The following EHBP1 variants were observed in gnomAD, a reference collection of about 807,000 sequenced individuals.
The protein encoded by EHBP1 is EH domain-binding protein 1.
A neutral mutation model predicts 144.0 loss-of-function variants in EHBP1; 55 were observed. The ratio of observed to expected loss-of-function variants is 0.38; its 90% CI spans 0.31 to 0.48. The LOEUF (loss-of-function observed/expected upper bound fraction) is 0.48, where lower values mean the gene tolerates loss of function less well. EHBP1 is among the 20% of genes least tolerant of loss of function. The pLI, the probability that EHBP1 is intolerant of heterozygous loss-of-function variation, is 0.98. For synonymous variants in EHBP1, 469 were observed against 472.7 expected (o/e 0.99, Z 0.10); for missense variants, 1,200 against 1,364.2 (o/e 0.88, Z 1.90).
In EHBP1 at chr2:63,046,282, G is replaced by A. The variant is rs2061951910; in HGVS notation, c.*782G>A. On this transcript the variant is annotated 3_prime_UTR_variant, in exon 23 of 23. Coordinates refer to ENST00000431489, the MANE Select transcript of EHBP1 (RefSeq NM_001142616.3). Reference sequence around the variant, plus strand: ...TCATGCTTGATTCCTACATTTTGTTGGGTCTCAACATTGGCTCACGAATGC... The same window carrying A: ...TCATGCTTGATTCCTACATTTTGTTAGGTCTCAACATTGGCTCACGAATGC... 2 of 152,500 alleles carry A rather than the reference G, an allele frequency of 1.3e-5. No individual in the cohort carries two copies. Among genetic ancestry groups the A allele is most frequent in the Admixed American group, 1.3e-4 (2 of 15,272 alleles). The allele number at this position is 152,500 out of a possible 1,614,324, so 9.4% of individuals were successfully genotyped here. A position where few individuals can be genotyped will look rare whatever the true frequency, so the allele number is the denominator to read the frequency against.
chr2:62,747,375 AC>A lies in EHBP1; in HGVS notation c.105-19del. ...ATTTATTTAAGATAAATTATGTTTA[AC>A]TTTTTTTTTGTTTGGCAGGCAACCA... On this transcript the variant is annotated intron_variant, in intron 2 of 22. Coordinates refer to ENST00000431489, the MANE Select transcript of EHBP1 (RefSeq NM_001142616.3). The A allele has an allele frequency of 6.2e-7, 1 of 1,600,400 alleles. No homozygotes were observed. Among genetic ancestry groups the A allele is most frequent in the Non-Finnish European group, 8.5e-7 (1 of 1,173,282 alleles).
chr2:62,854,746 G>A (rs2048915210), intron 7 of EHBP1, among the ~76,000 whole-genome samples: 1 of 152,218 alleles, frequency 6.6e-6, no homozygotes, highest in Non-Finnish European at 1.5e-5. Flanking sequence ...TTAGAATATG[G>A]TGATGATGGC....
At chr2:62,903,659 G>C (rs2053579171) in intron 10 of EHBP1, among the ~76,000 whole-genome samples, 1 of 152,094 alleles carries the variant, frequency 6.6e-6, no homozygotes, top group Admixed American at 6.5e-5. Context: ...CCAGCTTCTT[G>C]GGAGGCTGAG....
At position 62,780,035 on chromosome 2, in the gene EHBP1, G is replaced by A. The variant is rs1276483327; in HGVS notation, c.312+8643G>A. On this transcript the variant is annotated intron_variant, in intron 5 of 22. Coordinates refer to ENST00000431489, the MANE Select transcript of EHBP1 (RefSeq NM_001142616.3). ...ACTTGAACATCATCAGCTTAAGAACGTGGTTAAGAGTTACTGGCATGTCAG... is the reference window on the plus strand; with the variant it reads ...ACTTGAACATCATCAGCTTAAGAACATGGTTAAGAGTTACTGGCATGTCAG... 3.3e-5 allele frequency among the ~76,000 whole-genome samples: 5 copies of A among 152,022 alleles called. No homozygotes were observed. In the South Asian group the frequency reaches 8.3e-4, roughly 25 times the overall value.
intron 5 of EHBP1, among the ~76,000 whole-genome samples, chr2:62,821,537 G>A (rs2045980581): frequency 6.6e-6 from 1 of 151,940 alleles, no homozygotes; most frequent in African/African-American, 2.4e-5. Context: ...AAAATAAAAA[G>A]TGAACTAGAT....
At chr2:62,831,234 A>G (rs1019619961) in intron 7 of EHBP1, 76 bp downstream of exon 7, 6 of 1,406,976 alleles carry the variant, frequency 4.3e-6, no homozygotes, top group East Asian at 2.6e-5. Flanking sequence ...TTTCCCAGGA[A>G]AAAACAATTC....
intron 10 of EHBP1, among the ~76,000 whole-genome samples, chr2:62,875,900 A>G (rs1411111108): frequency 6.6e-6 from 1 of 152,224 alleles, no homozygotes; most frequent in African/African-American, 2.4e-5. Context: ...CTTGGAGACC[A>G]ATTCTTCTAA....
Position 62,948,933 on chromosome 2 carries a change from A to C in EHBP1, c.2087A>C (p.Asn696Thr). ...CTTCAAACTCTAGACATCGGTAGTA[A>C]CTTGGAGAAAGAAAAATTAGAGAAT... ...QKLQTLDIGS[N>T]LEKEKLENSR... is the part of the protein sequence containing the mutation. Residue 696 changes from asparagine to threonine, a missense_variant, in exon 13 of 23, where the codon AAC becomes ACC. By Grantham distance (65) the Asn-to-Thr change is moderately conservative. Around this residue, in one of 6 missense-constraint regions of EHBP1, gnomAD observed 543 missense variants for 513.1 expected, o/e 1.06. Transcript: ENST00000431489. 1.9e-6 allele frequency: 3 copies of C among 1,614,096 alleles called. No individual in the cohort carries two copies. The Middle Eastern group carries it at 4.9e-4, about 266-fold the overall frequency.
Position 62,993,906 on chromosome 2 carries a change from A to C in EHBP1, c.2908A>C (p.Lys970Gln), listed in dbSNP as rs754833216. 1 of 1,597,472 alleles carries C rather than the reference A, an allele frequency of 6.3e-7. No homozygotes were observed. The highest frequency in any genetic ancestry group is 8.5e-7 in the Non-Finnish European group (1 of 1,170,606). ...GCAGAGATCAATACAGGAAGATACA[A>C]AGAAAGGAAATGAGGAGAAGGCAGC... is the stretch of plus-strand genomic sequence containing the variant. ...KRQRSIQEDT[K>Q]KGNEEKAAIT... Residue 970 changes from lysine (K) to glutamine (Q), a missense_variant, in exon 18 of 23, where the codon AAG (lysine) becomes CAG (glutamine). Coordinates refer to ENST00000431489, the MANE Select transcript of EHBP1 (RefSeq NM_001142616.3).
At chr2:62,940,535 C>T (rs938780888) in intron 10 of EHBP1, among the ~76,000 whole-genome samples, 3 of 152,124 alleles carry the variant, frequency 2.0e-5, no homozygotes, top group Non-Finnish European at 2.9e-5. Context: ...CAAGAGCCAG[C>T]TGTAACAACA....
At position 62,826,125 on chromosome 2, in the gene EHBP1, C is replaced by T. The variant is rs143322899; in HGVS notation, c.351C>T (p.Ser117=). 7.1e-5 allele frequency: 110 copies of T among 1,539,988 alleles called. No homozygotes were observed. Among genetic ancestry groups the T allele is most frequent in the Middle Eastern group, 6.8e-4 (4 of 5,846 alleles). Residue 117 remains serine, a synonymous_variant, in exon 6 of 23, where the codon AGC becomes AGT. Coordinates refer to ENST00000431489, the MANE Select transcript of EHBP1 (RefSeq NM_001142616.3). ...GTCGAAGGAAAGCTCTTGCTACTAG[C>T]AGCATCAATATGAAACAGTATGCAA... is the stretch of plus-strand genomic sequence containing the variant. ...PSGRRKALAT[S]SINMKQYASP... is the part of the protein sequence containing the mutation.
intron 4 of EHBP1, among the ~76,000 whole-genome samples, chr2:62,770,071 G>A (rs1331973881): frequency 1.3e-5 from 2 of 151,930 alleles, no homozygotes; most frequent in African/African-American, 4.8e-5. Flanking sequence ...AAACCCTGAA[G>A]GACAACATAG....
chr2:62,991,172 G>T (rs1173972220), intron 16 of EHBP1, among the ~76,000 whole-genome samples: 1 of 151,400 alleles, frequency 6.6e-6, no homozygotes, highest in African/African-American at 2.4e-5. Context: ...CTGAGCCCAG[G>T]AGTTCAAGGC....
At chr2:62,912,533 C>A (rs749246544) in intron 10 of EHBP1, among the ~76,000 whole-genome samples, 2 of 152,024 alleles carry the variant, frequency 1.3e-5, no homozygotes, top group Non-Finnish European at 2.9e-5. Flanking sequence ...GCCTGAGCAA[C>A]AGAGCAAGAC....
intron 8 of EHBP1, 37 bp downstream of exon 8, chr2:62,859,328 A>T (rs1363231349): frequency 6.4e-7 from 1 of 1,561,526 alleles, no homozygotes; most frequent in Non-Finnish European, 8.7e-7. Context: ...GTCTTTGTAT[A>T]GTCAAGTTGA....
intron 3 of EHBP1, among the ~76,000 whole-genome samples, chr2:62,749,814 A>G (rs2152193952): frequency 6.6e-6 from 1 of 152,270 alleles, no homozygotes; most frequent in South Asian, 2.1e-4. Flanking sequence ...TCCTTTGCCC[A>G]CTTGTTGATG....
At chr2:62,715,598 G>C (rs1337415947) in intron 2 of EHBP1, among the ~76,000 whole-genome samples, 1 of 152,072 alleles carries the variant, frequency 6.6e-6, no homozygotes, top group East Asian at 1.9e-4. Context: ...AATATGAGGG[G>C]AATTGATGTG....
intron 14 of EHBP1, among the ~76,000 whole-genome samples, chr2:62,971,276 T>A (rs2058484953): frequency 6.6e-6 from 1 of 152,194 alleles, no homozygotes; most frequent in Admixed American, 6.5e-5. Flanking sequence ...CCTGAAGATG[T>A]TAGCAAAGAG....
rs1472190349 is a variant in EHBP1 at position 62,831,084 on chromosome 2, A to G, written c.560A>G (p.Asp187Gly). The change falls in exon 7 of 23, where the codon GAT (aspartate) becomes GGT (glycine). Residue 187 changes from aspartate to glycine, a missense_variant. This residue lies in a region of EHBP1 where 11 missense variants were observed against 38.6 expected (regional missense o/e 0.28). Coordinates refer to ENST00000431489, the MANE Select transcript of EHBP1 (RefSeq NM_001142616.3). ...SMKQADIGNL[D>G]DFEEDNEDDD... is the part of the protein sequence containing the mutation. ...AAGCAGGCTGACATTGGCAATTTAG[A>G]TGACTTCGAAGAAGATAATGAAGAT... 1 of 1,611,470 alleles carries G rather than the reference A, an allele frequency of 6.2e-7. No homozygotes were observed. Among genetic ancestry groups the G allele is most frequent in the Middle Eastern group, 1.7e-4 (1 of 6,050 alleles).
Sources: gnomAD v4.1 joint callset for allele counts (sites outside exome capture counted in the v4.1 genomes callset) on GRCh38, gnomAD v4.1.1 for gene constraint, gnomAD v4.1.1 regional missense constraint, MANE v1.5 for transcripts, NCBI Gene and HGNC (gene_info 2026-07-23, HGNC 2026-07-21) for gene names.